The following PCYOX1 variants were observed in gnomAD, a reference collection of about 807,000 sequenced individuals.
PCYOX1 encodes prenylcysteine lyase.
In PCYOX1, 46 loss-of-function variants were observed where a neutral mutation model predicts 46.4. The ratio of observed to expected loss-of-function variants is 0.99; its 90% CI spans 0.78 to 1.27. The LOEUF is 1.27. PCYOX1 is among the 50% of genes most tolerant of loss of function. The pLI, the probability that PCYOX1 is intolerant of heterozygous loss-of-function variation, is 0.00. For missense variants in PCYOX1, 658 were observed against 628.3 expected (o/e 1.05, Z -0.51); for synonymous variants, 220 against 231.8 (o/e 0.95, Z 0.46).
At chr2:70,263,548 C>T (rs925670389) in intron 3 of PCYOX1, among the ~76,000 whole-genome samples, 7 of 152,100 alleles carry the variant, frequency 4.6e-5, no homozygotes, top group Admixed American at 1.3e-4. Context: ...ATAGAATTTG[C>T]GTAGAGACGG....
In PCYOX1 at chr2:70,276,938, C is replaced by T; in HGVS notation, c.1064C>T (p.Ser355Phe). 1.2e-6 allele frequency: 2 copies of T among 1,610,012 alleles called. No individual in the cohort carries two copies. The highest frequency in any genetic ancestry group is 1.7e-6 in the Non-Finnish European group (2 of 1,176,254). The change falls in exon 6 of 6, where the codon TCT becomes TTT. Residue 355 changes from serine to phenylalanine, a missense_variant. Coordinates refer to ENST00000433351, the MANE Select transcript of PCYOX1 (RefSeq NM_016297.4). ...TTLVKGELNT[S>F]IFSSRPIDKF... ...TTAGTTAAGGGGGAATTGAATACAT[C>T]TATCTTTAGCTCTAGACCCATAGAT... is the stretch of plus-strand genomic sequence containing the variant.
At chr2:70,268,581 T>G (rs1696559851) in intron 3 of PCYOX1, among the ~76,000 whole-genome samples, 1 of 152,062 alleles carries the variant, frequency 6.6e-6, no homozygotes, top group Non-Finnish European at 1.5e-5. Flanking sequence ...GCAGATCACC[T>G]GAGGTTGGGA....
intron 3 of PCYOX1, among the ~76,000 whole-genome samples, chr2:70,264,738 G>A (rs1204979373): frequency 4.0e-5 from 6 of 151,870 alleles, no homozygotes; most frequent in South Asian, 2.1e-4. Flanking sequence ...TTTACGGGCC[G>A]GGCGCGGTGG....
In PCYOX1 at chr2:70,258,288, G is replaced by C. The variant is rs1334638928; in HGVS notation, c.112+12G>C. ...GCCAGATAAAATCGGTAGGCGAGAAGGGGGCGGCGCGGGAAGGTGCTGGAG... is the reference window on the plus strand; with the variant it reads ...GCCAGATAAAATCGGTAGGCGAGAACGGGGCGGCGCGGGAAGGTGCTGGAG... On this transcript the variant is annotated intron_variant, in intron 1 of 5. Coordinates refer to ENST00000433351, the MANE Select transcript of PCYOX1 (RefSeq NM_016297.4). 4 of 1,558,256 alleles carry C rather than the reference G, an allele frequency of 2.6e-6. No individual in the cohort carries two copies. In the Admixed American group the frequency reaches 5.3e-5, roughly 21 times the overall value.
chr2:70,275,971 G>A (rs1361170613), intron 5 of PCYOX1, among the ~76,000 whole-genome samples: 2 of 151,404 alleles, frequency 1.3e-5, no homozygotes, highest in Non-Finnish European at 2.9e-5. Flanking sequence ...GTGGTGGCAG[G>A]TGCCTGTAAT....
intron 3 of PCYOX1, among the ~76,000 whole-genome samples, chr2:70,266,502 G>T (rs1443306740): frequency 6.6e-6 from 1 of 151,542 alleles, no homozygotes; most frequent in African/African-American, 2.4e-5. Flanking sequence ...ATTCTTGGGT[G>T]TTCTTCGGAG....
rs1275903109 is a variant in PCYOX1, at chr2:70,275,028, A to T, written c.564A>T (p.Gly188=). The T allele has an allele frequency of 6.2e-7, 1 of 1,613,492 alleles. No homozygotes were observed. The highest frequency in any genetic ancestry group is 1.7e-5 in the Admixed American group (1 of 60,020). The change falls in exon 4 of 6, where the codon GGA becomes GGT. Residue 188 remains glycine, a synonymous_variant. Transcript: ENST00000433351. The part of the protein sequence containing the change: ...SVEKLLHALG[G]DDFLGMLNRT... The stretch of plus-strand genomic sequence containing the variant: ...AAAAATTACTTCATGCTCTAGGAGG[A>T]GATGACTTCCTTGGAATGCTTAATC...
chr2:70,258,274 T>TCGGTAGGCGAGAAGGGGG lies in PCYOX1; in HGVS notation c.112+2_112+19dup. The TCGGTAGGCGAGAAGGGGG allele has an allele frequency of 6.3e-7, 1 of 1,580,624 alleles. No homozygotes were observed. The highest frequency in any genetic ancestry group is 8.5e-7 in the Non-Finnish European group (1 of 1,170,022). On this transcript the variant is annotated inframe_insertion and splice_region_variant, in exon 1 of 6. Coordinates refer to ENST00000433351, the MANE Select transcript of PCYOX1 (RefSeq NM_016297.4). ...GAGCTGCGTGCTCCGCCAGATAAAATCGGTAGGCGAGAAGGGGGCGGCGCG... is the reference window on the plus strand; with the variant it reads ...GAGCTGCGTGCTCCGCCAGATAAAATCGGTAGGCGAGAAGGGGGCGGTAGGCGAGAAGGGGGCGGCGCG...
chr2:70,268,729 G>A (rs1232751466), intron 3 of PCYOX1, among the ~76,000 whole-genome samples: 1 of 151,708 alleles, frequency 6.6e-6, no homozygotes, highest in Non-Finnish European at 1.5e-5. Flanking sequence ...GAACCTGGGC[G>A]GCAGAGGTTG....
intron 2 of PCYOX1, among the ~76,000 whole-genome samples, chr2:70,260,140 G>C (rs1279822887): frequency 6.6e-6 from 1 of 152,114 alleles, no homozygotes; most frequent in Non-Finnish European, 1.5e-5. Context: ...TAAAATTCTG[G>C]GTTTGTGTTA....
At position 70,258,206 on chromosome 2, in the gene PCYOX1, G is replaced by T. The variant is rs1369322139; in HGVS notation, c.42G>T (p.Gly14=). The change falls in exon 1 of 6, where the codon GGG becomes GGT. Residue 14 remains glycine, a synonymous_variant. Coordinates refer to ENST00000433351, the MANE Select transcript of PCYOX1 (RefSeq NM_016297.4). ...VVAELVSSLL[G]LWLLLCSCGC... ...CGGAGCTCGTCTCCTCGCTGCTGGG[G>T]TTGTGGCTGTTGCTGTGCAGCTGCG... The T allele has an allele frequency of 1.3e-6, 2 of 1,599,146 alleles. No homozygotes were observed. The highest frequency in any genetic ancestry group is 8.5e-7 in the Non-Finnish European group (1 of 1,176,716).
chr2:70,267,040 C>T (rs1248836004), intron 3 of PCYOX1, among the ~76,000 whole-genome samples: 1 of 151,886 alleles, frequency 6.6e-6, no homozygotes, highest in Non-Finnish European at 1.5e-5. Flanking sequence ...GACAGGGCGG[C>T]TGCTGGGCGG....
chr2:70,259,468 G>C lies in PCYOX1; in HGVS notation c.221G>C (p.Arg74Pro). Residue 74 changes from arginine (R) to proline (P), a missense_variant, in exon 2 of 6, where the codon CGC (arginine) becomes CCC (proline). Coordinates refer to ENST00000433351, the MANE Select transcript of PCYOX1 (RefSeq NM_016297.4). ...TTTGAAAGAGAAGAGGTCGGGGGCCGCCTGGCTACCATGATGGTGCAGGGG... is the reference window on the plus strand; with the variant it reads ...TTTGAAAGAGAAGAGGTCGGGGGCCCCCTGGCTACCATGATGGTGCAGGGG... Reference protein sequence around the residue: ...DLFEREEVGGRLATMMVQGQE... With the variant: ...DLFEREEVGGPLATMMVQGQE... 1 of 1,613,950 alleles carries C rather than the reference G, an allele frequency of 6.2e-7. No homozygotes were observed. The highest frequency in any genetic ancestry group is 1.3e-5 in the African/African-American group (1 of 75,024).
At chr2:70,265,505 A>T (rs1030103672) in intron 3 of PCYOX1, among the ~76,000 whole-genome samples, 2 of 152,052 alleles carry the variant, frequency 1.3e-5, no homozygotes, top group Non-Finnish European at 2.9e-5. Context: ...GCCATTCTTT[A>T]CTCCCAAGTC....
rs1696730500 is a variant in PCYOX1 at position 70,279,296 on chromosome 2, G to C, written c.*1904G>C. On this transcript the variant is annotated 3_prime_UTR_variant, in exon 6 of 6. Transcript: ENST00000433351. Reference sequence around the variant, plus strand: ...ATTAAACTCATGGTTTGTCAAAAGAGTGTTTTTTTCTAGTTTTATTCTTAA... The same window carrying C: ...ATTAAACTCATGGTTTGTCAAAAGACTGTTTTTTTCTAGTTTTATTCTTAA... 6.6e-6 allele frequency: 1 copy of C among 152,152 alleles called. No individual in the cohort carries two copies. Among genetic ancestry groups the C allele is most frequent in the Admixed American group, 6.5e-5 (1 of 15,270 alleles). 9.4% of individuals were successfully genotyped at this position (152,152 alleles called of 1,614,324 possible). A position where few individuals can be genotyped will look rare whatever the true frequency, so the allele number is the denominator to read the frequency against.
rs1369672101 is a variant in PCYOX1 at position 70,281,114 on chromosome 2, C to T, written c.*3722C>T. The T allele has an allele frequency of 6.6e-6, 1 of 152,242 alleles. No homozygotes were observed. Among genetic ancestry groups the T allele is most frequent in the Non-Finnish European group, 1.5e-5 (1 of 68,092 alleles). The allele number at this position is 152,242 out of a possible 1,614,324, so 9.4% of individuals were successfully genotyped here. On this transcript the variant is annotated 3_prime_UTR_variant, in exon 6 of 6. Transcript: ENST00000433351. ...ACACTGGAATGTTTTTCTCTGGAATCCTCTTTCTACTCTTGTATTAAAATT... is the reference window on the plus strand; with the variant it reads ...ACACTGGAATGTTTTTCTCTGGAATTCTCTTTCTACTCTTGTATTAAAATT...
chr2:70,280,234 G>A lies in PCYOX1; in HGVS notation c.*2842G>A, dbSNP rs1250597246. Reference sequence around the variant, plus strand: ...GTAGTTTTAATGCAACTACAGTGTTGAGTGCTTTTTTACTGGGAGAAAAAT... The same window carrying A: ...GTAGTTTTAATGCAACTACAGTGTTAAGTGCTTTTTTACTGGGAGAAAAAT... On this transcript the variant is annotated 3_prime_UTR_variant, in exon 6 of 6. Coordinates refer to ENST00000433351, the MANE Select transcript of PCYOX1 (RefSeq NM_016297.4). 1 of 152,162 alleles carries A rather than the reference G, an allele frequency of 6.6e-6. No individual in the cohort carries two copies. The highest frequency in any genetic ancestry group is 2.4e-5 in the African/African-American group (1 of 41,392). 9.4% of individuals were successfully genotyped at this position (152,162 alleles called of 1,614,324 possible).
upstream of PCYOX1, chr2:70,258,018 G>T: frequency 1.9e-6 from 1 of 540,458 alleles, no homozygotes; most frequent in Non-Finnish European, 3.1e-6. Flanking sequence ...AGGACCGGCG[G>T]GGCGAGGTCG....
chr2:70,260,023 C>T (rs1369617863), intron 2 of PCYOX1, among the ~76,000 whole-genome samples: 2 of 152,134 alleles, frequency 1.3e-5, no homozygotes, highest in African/African-American at 4.8e-5. Context: ...ACCATGTTGG[C>T]CAGCTGGTCT....
Sources: gnomAD v4.1 joint callset for allele counts (sites outside exome capture counted in the v4.1 genomes callset) on GRCh38, gnomAD v4.1.1 for gene constraint, MANE v1.5 for transcripts, NCBI Gene and HGNC (gene_info 2026-07-23, HGNC 2026-07-21) for gene names.